The following NCOR2 variants were observed in gnomAD, a reference collection of about 807,000 sequenced individuals.
NCOR2 encodes the protein CTG repeat protein 26.
A neutral mutation model predicts 262.9 loss-of-function variants in NCOR2; 81 were observed. The observed-to-expected ratio is 0.31, with a 90% confidence interval of 0.26 to 0.37. NCOR2 has a LOEUF of 0.37. Ranked by LOEUF, NCOR2 falls within the 10% of genes least tolerant of loss-of-function variation. The pLI is 1.00. For missense variants in NCOR2, 3,385 were observed against 3,621.4 expected (o/e 0.93, Z 1.68); for synonymous variants, 1,659 against 1,559.3 (o/e 1.06, Z -1.51).
chr12:124,452,710 C>T (rs988326115), intron 6 of NCOR2, among the ~76,000 whole-genome samples: 5 of 152,210 alleles, frequency 3.3e-5, no homozygotes, highest in East Asian at 1.9e-4. Context: ...AATGCAGGAC[C>T]GGCTCCCGGG....
Position 124,325,702 on chromosome 12 carries a change from G to A in NCOR2, c.7364-119C>T, listed in dbSNP as rs1593052371. 25 of 637,756 alleles carry A rather than the reference G, an allele frequency of 3.9e-5. No homozygotes were observed. The East Asian group carries it at 8.6e-4, about 22-fold the overall frequency. 39.5% of individuals were successfully genotyped at this position (637,756 alleles called of 1,614,324 possible). A position where few individuals can be genotyped will look rare whatever the true frequency, so the allele number is the denominator to read the frequency against. On this transcript the variant is annotated intron_variant, in intron 46 of 46. Coordinates refer to ENST00000405201, the Ensembl canonical transcript of NCOR2. ...GCGTTTCTGTCCAACAGTCCTCCCAGACCTTTCTAATTGCGAACAGGTCTC... is the reference window on the plus strand; with the variant it reads ...GCGTTTCTGTCCAACAGTCCTCCCAAACCTTTCTAATTGCGAACAGGTCTC...
exon 47 of NCOR2, chr12:124,325,378 C>CGGG: frequency 3.0e-5 from 7 of 232,286 alleles, no homozygotes; most frequent in Non-Finnish European, 4.6e-5. Flanking sequence ...CCTGACACCG[C>CGGG]CCCCCCCCCC....
At position 124,378,277 on chromosome 12, in the gene NCOR2, G is replaced by T. The variant is rs1330798303; in HGVS notation, c.2127C>A (p.Gly709=). The change falls in exon 18 of 47, where the codon GGC becomes GGA. Residue 709 remains glycine, a synonymous_variant. Transcript: ENST00000405201. This position sits in a 1 kb window ranked among gnomAD's most constrained non-coding sequence, Gnocchi z 4.2. ...CCATCTCCTCCTCATTTCCGCTCAC[G>T]CCCGACGCCTCCATCTCCTCATCCT... 1 of 1,613,772 alleles carries T rather than the reference G, an allele frequency of 6.2e-7. No homozygotes were observed. Among genetic ancestry groups the T allele is most frequent in the Non-Finnish European group, 8.5e-7 (1 of 1,179,898 alleles).
At chr12:124,446,298 C>G (rs754500768) in intron 7 of NCOR2, among the ~76,000 whole-genome samples, 1 of 152,230 alleles carries the variant, frequency 6.6e-6, no homozygotes, top group Non-Finnish European at 1.5e-5. Context: ...CCCCCAGGTC[C>G]TTCCTCCCTG....
At chr12:124,487,313 A>G (rs2047817272) in intron 1 of NCOR2, among the ~76,000 whole-genome samples, 1 of 152,200 alleles carries the variant, frequency 6.6e-6, no homozygotes. Flanking sequence ...TTCAGAACAA[A>G]GCGACCCCTG....
chr12:124,420,645 C>T (rs1174115453), intron 12 of NCOR2, among the ~76,000 whole-genome samples: 1 of 152,194 alleles, frequency 6.6e-6, no homozygotes, highest in Non-Finnish European at 1.5e-5. Flanking sequence ...GTCTGAAAGC[C>T]GGAGCAACCA....
At chr12:124,338,545 G>A (rs962130534) in intron 37 of NCOR2, among the ~76,000 whole-genome samples, 1 of 150,830 alleles carries the variant, frequency 6.6e-6, no homozygotes, top group Non-Finnish European at 1.5e-5. Context: ...AGGGAAGGGT[G>A]TTGAGGTGTG....
chr12:124,500,751 A>G (rs1288925241), intron 1 of NCOR2, among the ~76,000 whole-genome samples: 1 of 152,008 alleles, frequency 6.6e-6, no homozygotes, highest in Admixed American at 6.6e-5. Context: ...ACACCGAGAC[A>G]CATTCCATAG....
intron 27 of NCOR2, among the ~76,000 whole-genome samples, chr12:124,352,739 C>T (rs182079394): frequency 7.9e-5 from 12 of 152,310 alleles, no homozygotes; most frequent in East Asian, 1.9e-4. Flanking sequence ...GAAATCCAGC[C>T]GGTGGCCCCT....
chr12:124,330,465 C>A (rs1220120303), intron 44 of NCOR2, among the ~76,000 whole-genome samples: 1 of 152,248 alleles, frequency 6.6e-6, no homozygotes, highest in Non-Finnish European at 1.5e-5. Flanking sequence ...CTAGCTATAA[C>A]AAACGCCCGA....
At chr12:124,535,954 G>GC (rs2051101678), upstream of NCOR2, among the ~76,000 whole-genome samples, 1 of 152,114 alleles carries the variant, frequency 6.6e-6, no homozygotes, top group African/African-American at 2.4e-5. Context: ...CTGGGAAACT[G>GC]CCCCATTAAC....
chr12:124,327,508 C>T lies in NCOR2; in HGVS notation c.7084G>A (p.Ala2362Thr), dbSNP rs187448656. 61 of 1,613,870 alleles carry T rather than the reference C, an allele frequency of 3.8e-5. 2 individuals carry two copies. The highest frequency in any genetic ancestry group is 2.9e-4 in the South Asian group (26 of 91,068). The change falls in exon 45 of 47, where the codon GCC becomes ACC. Residue 2362 changes from alanine (A) to threonine (T), a missense_variant. Around this residue, in one of 5 missense-constraint regions of NCOR2, gnomAD observed 1,017 missense variants for 967.2 expected, o/e 1.05. Coordinates refer to ENST00000405201, the Ensembl canonical transcript of NCOR2. ...GCATTCAGAGGGTTAAAAGCATTGG[C>T]GCTGAGCGGCGGGGACTCTTCCCAC...
intron 20 of NCOR2, among the ~76,000 whole-genome samples, chr12:124,370,405 T>G (rs780975474): frequency 3.3e-5 from 5 of 152,274 alleles, no homozygotes; most frequent in South Asian, 4.1e-4. Context: ...ACTTCCCCCT[T>G]TAACATGGCC....
At chr12:124,372,656 G>T in intron 19 of NCOR2, 46 bp from the exon 22 acceptor site, 1 of 1,522,216 alleles carries the variant, frequency 6.6e-7, no homozygotes, top group Non-Finnish European at 8.9e-7. Context: ...GTCTGGCGGG[G>T]CCTCCAGAAG....
rs1341350496 is a variant in NCOR2, at chr12:124,482,080, T to C, written c.411+1516A>G. Reference sequence around the variant, plus strand: ...CCCTGAGTGCCAACAAGAACACAGCTGCATCCGCCGGGGGAGGTTCCTGAG... The same window carrying C: ...CCCTGAGTGCCAACAAGAACACAGCCGCATCCGCCGGGGGAGGTTCCTGAG... On this transcript the variant is annotated intron_variant, in intron 3 of 46. Coordinates refer to ENST00000405201, the Ensembl canonical transcript of NCOR2. This position sits in a 1 kb window ranked among gnomAD's most constrained non-coding sequence, Gnocchi z 6.3. 2.0e-5 allele frequency among the ~76,000 whole-genome samples: 3 copies of C among 152,092 alleles called. No homozygotes were observed. The highest frequency in any genetic ancestry group is 1.3e-4 in the Admixed American group (2 of 15,286).
intron 22 of NCOR2, among the ~76,000 whole-genome samples, chr12:124,360,035 G>A (rs7975419): frequency 0.5 from 75,925 of 152,236 alleles, 23,417 homozygotes; most frequent in Non-Finnish European, 0.69. Context: ...AGTGCCAGCC[G>A]CGGGAACTGC....
At chr12:124,358,405 A>G (rs1213439319) in intron 22 of NCOR2, among the ~76,000 whole-genome samples, 1 of 151,646 alleles carries the variant, frequency 6.6e-6, no homozygotes, top group African/African-American at 2.4e-5. Flanking sequence ...TGTGTGTGCG[A>G]GTGCATGGAT....
intron 38 of NCOR2, 54 bp from the exon 41 acceptor site, chr12:124,335,686 C>A: frequency 6.5e-7 from 1 of 1,546,800 alleles, no homozygotes; most frequent in Non-Finnish European, 8.7e-7. Flanking sequence ...TTTCGGAGCC[C>A]GAGGGGCAGG....
chr12:124,362,160 C>G, exon 22 of NCOR2: 1 of 1,306,966 alleles, frequency 7.7e-7, no homozygotes, highest in South Asian at 3.0e-5. Context: ...GGCTCCTGCT[C>G]TTGCCCCGGG....
Sources: gnomAD v4.1 joint callset for allele counts (sites outside exome capture counted in the v4.1 genomes callset) on GRCh38, gnomAD v4.1.1 for gene constraint, gnomAD v4.1.1 regional missense constraint, Gnocchi (gnomAD v3.1) non-coding constraint, MANE v1.5 for transcripts, NCBI Gene and HGNC (gene_info 2026-07-23, HGNC 2026-07-21) for gene names.